SLC24A1: variants seen among roughly 807,000 people sequenced by gnomAD.
SLC24A1 encodes solute carrier family 24 member 1, also known as sodium/potassium/calcium exchanger 1.
A neutral mutation model predicts 88.1 loss-of-function variants in SLC24A1; 52 were observed. That is an observed-to-expected ratio of 0.59 (90% CI 0.47 to 0.74). The LOEUF (loss-of-function observed/expected upper bound fraction) is 0.74, where lower values mean the gene tolerates loss of function less well. Ranked by LOEUF, SLC24A1 falls within the 30% of genes least tolerant of loss-of-function variation. The pLI, the probability that SLC24A1 is intolerant of heterozygous loss-of-function variation, is 0.00. For synonymous variants in SLC24A1, 455 were observed against 498.0 expected (o/e 0.91, Z 1.15); for missense variants, 1,173 against 1,363.3 (o/e 0.86, Z 2.20).
intron 3 of SLC24A1, 94 bp downstream of exon 3, chr15:65,638,275 C>T (rs1281640102): frequency 1.1e-6 from 1 of 912,370 alleles, no homozygotes; most frequent in East Asian, 2.7e-5. Context: ...GCTGGGGACC[C>T]TGGCTGTGCT....
intron 2 of SLC24A1, among the ~76,000 whole-genome samples, chr15:65,634,091 G>A (rs1334112798): frequency 6.6e-6 from 1 of 152,180 alleles, no homozygotes; most frequent in African/African-American, 2.4e-5. Context: ...AAATGGAGTG[G>A]ATTGGGATGC....
chr15:65,660,930 TATA>T (rs1334039827), downstream of SLC24A1: 1 of 152,224 alleles, frequency 6.6e-6, no homozygotes, highest in East Asian at 1.9e-4. Context: ...AAATTTGGAA[TATA>T]ATCACTTGTC....
At chr15:65,634,054 G>A (rs781549893) in intron 2 of SLC24A1, among the ~76,000 whole-genome samples, 11 of 152,182 alleles carry the variant, frequency 7.2e-5, no homozygotes, top group Non-Finnish European at 1.6e-4. Context: ...AGGAATTTGG[G>A]TAGACTTCTG....
intron 6 of SLC24A1, among the ~76,000 whole-genome samples, 171 bp downstream of exon 6, chr15:65,645,874 G>T (rs1195954342): frequency 6.6e-6 from 1 of 152,196 alleles, no homozygotes; most frequent in Non-Finnish European, 1.5e-5. Context: ...ATCTCATGGG[G>T]CCAATTAACT....
chr15:65,649,999 A>G (rs573730158), intron 6 of SLC24A1, among the ~76,000 whole-genome samples: 1 of 152,362 alleles, frequency 6.6e-6, no homozygotes, highest in South Asian at 2.1e-4. Flanking sequence ...AAATGATATA[A>G]GGACCTGGGA....
downstream of SLC24A1, among the ~76,000 whole-genome samples, chr15:65,657,499 C>A (rs536893960): frequency 1.4e-3 from 214 of 152,228 alleles, no homozygotes; most frequent in African/African-American, 4.9e-3. Context: ...AAAAATTAGC[C>A]GGGCGAGGTG....
intron 8 of SLC24A1, chr15:65,652,253 C>T (rs1407056161): frequency 2.8e-5 from 8 of 282,144 alleles, no homozygotes; most frequent in Non-Finnish European, 4.8e-5. Context: ...TCACCTCCAG[C>T]CTCTTAGTTC....
intron 2 of SLC24A1, among the ~76,000 whole-genome samples, chr15:65,632,080 T>C (rs2074747826): frequency 6.6e-6 from 1 of 152,170 alleles, no homozygotes; most frequent in Non-Finnish European, 1.5e-5. Context: ...TCTGCCTGCC[T>C]CGGCCTCCCA....
intron 2 of SLC24A1, among the ~76,000 whole-genome samples, chr15:65,626,726 T>G (rs1429974900): frequency 6.6e-6 from 1 of 152,164 alleles, no homozygotes; most frequent in Non-Finnish European, 1.5e-5. Context: ...CATTGGATGA[T>G]TCAATAACCT....
At position 65,654,379 on chromosome 15, in the gene SLC24A1, C is replaced by T; in HGVS notation, c.*300C>T. 7 of 1,195,642 alleles carry T rather than the reference C, an allele frequency of 5.9e-6. No homozygotes were observed. Among genetic ancestry groups the T allele is most frequent in the Non-Finnish European group, 7.3e-6 (7 of 959,946 alleles). The allele number at this position is 1,195,642 out of a possible 1,614,324, so 74.1% of individuals were successfully genotyped here. A position where few individuals can be genotyped will look rare whatever the true frequency, so the allele number is the denominator to read the frequency against. Reference sequence around the variant, plus strand: ...CCAGAGGGTTTTCTAAATGAGATAACTGGGGGCAAAGGTTGGGATAGGCGC... The same window carrying T: ...CCAGAGGGTTTTCTAAATGAGATAATTGGGGGCAAAGGTTGGGATAGGCGC... On this transcript the variant is annotated 3_prime_UTR_variant, in exon 10 of 10. Coordinates refer to ENST00000261892, the MANE Select transcript of SLC24A1 (RefSeq NM_004727.3).
At position 65,623,994 on chromosome 15, in the gene SLC24A1, T is replaced by C; in HGVS notation, c.-87T>C. The C allele has an allele frequency of 7.8e-7, 1 of 1,276,712 alleles. No homozygotes were observed. The highest frequency in any genetic ancestry group is 1.1e-6 in the Non-Finnish European group (1 of 920,148). The allele number at this position is 1,276,712 out of a possible 1,614,324, so 79.1% of individuals were successfully genotyped here. On this transcript the variant is annotated 5_prime_UTR_variant, in exon 2 of 10. Transcript: ENST00000261892. ...CCTGGCTGGGCTTCATGGAGAAATC[T>C]TCTCTGATCACCAACCTGAATCCCA...
chr15:65,648,238 C>T (rs185540674), intron 6 of SLC24A1, among the ~76,000 whole-genome samples: 167 of 151,524 alleles, frequency 1.1e-3, no homozygotes, highest in African/African-American at 3.8e-3. Flanking sequence ...CCAGCCTGGG[C>T]GACAGAGCAA....
intron 7 of SLC24A1, 142 bp downstream of exon 7, chr15:65,651,084 G>T: frequency 1.4e-6 from 1 of 726,916 alleles, no homozygotes; most frequent in Non-Finnish European, 2.4e-6. Context: ...ATCTGGGAAG[G>T]GACTGAAGCC....
rs1596338788 is a variant in SLC24A1 at position 65,645,649 on chromosome 15, A to G, written c.2178A>G (p.Thr726=). 1.9e-6 allele frequency: 3 copies of G among 1,579,732 alleles called. No individual in the cohort carries two copies. In the East Asian group the frequency reaches 7.0e-5, roughly 37 times the overall value. The part of the protein sequence containing the change: ...EPAKLPAVTV[T]PAPVPDIKGD... ...CCAAGCTCCCTGCGGTCACGGTCACACCAGCCCCTGTTCCAGACATCAAGG... is the reference window on the plus strand; with the variant it reads ...CCAAGCTCCCTGCGGTCACGGTCACGCCAGCCCCTGTTCCAGACATCAAGG... Residue 726 remains threonine, a synonymous_variant, in exon 6 of 10, where the codon ACA becomes ACG. Transcript: ENST00000261892.
At position 65,656,138 on chromosome 15, in the gene SLC24A1, C is replaced by T. The variant is rs1476500370; in HGVS notation, c.*2059C>T. The T allele has an allele frequency of 7.3e-5, 72 of 985,324 alleles. No homozygotes were observed. Among genetic ancestry groups the T allele is most frequent in the Non-Finnish European group, 8.4e-5 (70 of 829,968 alleles). 61.0% of individuals were successfully genotyped at this position (985,324 alleles called of 1,614,324 possible). ...TTAGCCTCGGGGATGTCACCTCACC[C>T]ACAGCCTGGGATCTGACGTTCTTCC... On this transcript the variant is annotated 3_prime_UTR_variant, in exon 10 of 10. Transcript: ENST00000261892.
intron 6 of SLC24A1, among the ~76,000 whole-genome samples, chr15:65,646,932 T>A (rs993124605): frequency 1.3e-5 from 2 of 152,162 alleles, no homozygotes; most frequent in African/African-American, 4.8e-5. Flanking sequence ...TTCCCTGGAA[T>A]CCCAGGGCAG....
chr15:65,640,154 T>C (rs1033451169), intron 4 of SLC24A1, among the ~76,000 whole-genome samples: 11 of 152,268 alleles, frequency 7.2e-5, no homozygotes, highest in South Asian at 2.1e-4. Context: ...ACGCCTCTTG[T>C]AGGGTCCCAA....
At position 65,651,778 on chromosome 15, in the gene SLC24A1, C is replaced by A; in HGVS notation, c.2883+19C>A. Reference sequence around the variant, plus strand: ...TCACCAGGTGAGTGAACAGCAGGAACGAAATCCTCTACCAGCAGGTCCCAA... The same window carrying A: ...TCACCAGGTGAGTGAACAGCAGGAAAGAAATCCTCTACCAGCAGGTCCCAA... On this transcript the variant is annotated intron_variant, in intron 8 of 9. Transcript: ENST00000261892. The A allele has an allele frequency of 7.4e-7, 1 of 1,347,046 alleles. No individual in the cohort carries two copies. 83.4% of individuals were successfully genotyped at this position (1,347,046 alleles called of 1,614,324 possible). A position where few individuals can be genotyped will look rare whatever the true frequency, so the allele number is the denominator to read the frequency against.
rs377411040 is a variant in SLC24A1 at position 65,614,705 on chromosome 15, C to G, written c.-228+2092C>G. On this transcript the variant is annotated intron_variant, in intron 2 of 11. Coordinates refer to the SLC24A1 transcript ENST00000537259. Reference sequence around the variant, plus strand: ...AAGCTTTACACATTTCCAATTCCAACTAACTTTGCCTCTGCTCTGAAAATA... The same window carrying G: ...AAGCTTTACACATTTCCAATTCCAAGTAACTTTGCCTCTGCTCTGAAAATA... 2.6e-5 allele frequency among the ~76,000 whole-genome samples: 4 copies of G among 152,356 alleles called. No individual in the cohort carries two copies. The East Asian group carries it at 7.7e-4, about 29-fold the overall frequency.
Sources: gnomAD v4.1 joint callset for allele counts (sites outside exome capture counted in the v4.1 genomes callset) on GRCh38, gnomAD v4.1.1 for gene constraint, MANE v1.5 for transcripts, NCBI Gene and HGNC (gene_info 2026-07-23, HGNC 2026-07-21) for gene names.